Variants in MAP1B observed in about 807,000 individuals in gnomAD.
MAP1B encodes microtubule associated protein 1B, also known as microtubule-associated protein 1B.
A neutral mutation model predicts 176.1 loss-of-function variants in MAP1B; 12 were observed. The observed-to-expected ratio is 0.07, with a 90% CI of 0.04 to 0.11. The LOEUF is 0.11. MAP1B is among the 10% of genes least tolerant of loss of function. MAP1B has a pLI of 1.00. For synonymous variants in MAP1B, 1,044 were observed against 1,135.0 expected, an observed-to-expected ratio of 0.92 and a Z score of 1.61; for missense variants, 2,523 against 2,990.5, an observed-to-expected ratio of 0.84 and a Z score of 3.65.
chr5:72,163,934 T>TTTTTTTTTTTTTTTTTTTTTTTC (rs1746377304), intron 2 of MAP1B, among the ~76,000 whole-genome samples: 1 of 126,116 alleles, frequency 7.9e-6, no homozygotes, highest in African/African-American at 3.2e-5. Flanking sequence ...TTTTTTCTTT[T>TTTTTTTTTTTTTTTTTTTTTTTC]TTTTTTTTTT....
intron 2 of MAP1B, among the ~76,000 whole-genome samples, chr5:72,150,461 A>G (rs1746120774): frequency 6.6e-6 from 1 of 152,232 alleles, no homozygotes; most frequent in South Asian, 2.1e-4. Flanking sequence ...AGAGGGCTGC[A>G]TATAGGACAG....
chr5:72,122,291 A>G (rs1289649639), intron 2 of MAP1B, among the ~76,000 whole-genome samples: 1 of 152,020 alleles, frequency 6.6e-6, no homozygotes, highest in East Asian at 1.9e-4. Context: ...CTCTCACCCC[A>G]GTGCTCCCAT....
At chr5:72,179,701 G>A in intron 2 of MAP1B, 2 of 985,476 alleles carry the variant, frequency 2.0e-6, no homozygotes, top group Non-Finnish European at 2.4e-6. Flanking sequence ...GCCGTGACAA[G>A]AGCTGGAAGC....
At position 72,209,509 on chromosome 5, in the gene MAP1B, T is replaced by G. The variant is rs1285970168; in HGVS notation, c.*4270T>G. The G allele has an allele frequency of 1.3e-5, 2 of 152,104 alleles. No homozygotes were observed. The highest frequency in any genetic ancestry group is 4.8e-5 in the African/African-American group (2 of 41,416). The allele number at this position is 152,104 out of a possible 1,614,324, so 9.4% of individuals were successfully genotyped here. A position where few individuals can be genotyped will look rare whatever the true frequency, so the allele number is the denominator to read the frequency against. On this transcript the variant is annotated 3_prime_UTR_variant, in exon 7 of 7. Coordinates refer to ENST00000296755, the MANE Select transcript of MAP1B (RefSeq NM_005909.5). ...ATATCCCCTCTTCCATTGAGGATAT[T>G]TGATGTAAAGGAAAAAAAAAAACTC... is the stretch of plus-strand genomic sequence containing the variant.
chr5:72,189,848 A>G (rs932831688), intron 4 of MAP1B, among the ~76,000 whole-genome samples: 21 of 152,306 alleles, frequency 1.4e-4, no homozygotes, highest in Admixed American at 3.3e-4. Context: ...AGCTCAGGGA[A>G]CTCAGAGTCG....
At chr5:72,125,450 A>G (rs1028546393) in intron 2 of MAP1B, among the ~76,000 whole-genome samples, 2 of 152,168 alleles carry the variant, frequency 1.3e-5, no homozygotes, top group Non-Finnish European at 2.9e-5. Context: ...TTAGTGTCCT[A>G]TTATCAGCCA....
chr5:72,168,428 G>T (rs1746471885), intron 2 of MAP1B, among the ~76,000 whole-genome samples: 2 of 152,192 alleles, frequency 1.3e-5, no homozygotes, highest in Non-Finnish European at 2.9e-5. Flanking sequence ...AAAGAGCAAA[G>T]AGTAATACAT....
Position 72,107,543 on chromosome 5 carries a change from G to A in MAP1B, c.12G>A (p.Val4=), listed in dbSNP as rs754257888. The A allele has an allele frequency of 6.4e-7, 1 of 1,570,868 alleles. No homozygotes were observed. Among genetic ancestry groups the A allele is most frequent in the East Asian group, 2.3e-5 (1 of 43,030 alleles). The part of the protein sequence containing the change: MAT[V]VVEATEPEPS... Reference sequence around the variant, plus strand: ...CAGCAGCCGGCAGGATGGCGACCGTGGTGGTGGAAGCCACCGAGCCGGAGC... The same window carrying A: ...CAGCAGCCGGCAGGATGGCGACCGTAGTGGTGGAAGCCACCGAGCCGGAGC... The change falls in exon 1 of 7, where the codon GTG becomes GTA. Residue 4 remains valine (V), a synonymous_variant. Coordinates refer to ENST00000296755, the MANE Select transcript of MAP1B (RefSeq NM_005909.5).
chr5:72,189,898 G>A (rs952779794), intron 4 of MAP1B, among the ~76,000 whole-genome samples: 1 of 152,096 alleles, frequency 6.6e-6, no homozygotes, highest in Non-Finnish European at 1.5e-5. Context: ...GCATATTAGA[G>A]GTATTTGAAG....
At chr5:72,184,996 A>G (rs1746861574) in intron 3 of MAP1B, among the ~76,000 whole-genome samples, 1 of 152,226 alleles carries the variant, frequency 6.6e-6, no homozygotes, top group Non-Finnish European at 1.5e-5. Flanking sequence ...GATGCCGACA[A>G]CTGCGAACCT....
chr5:72,107,836 C>G (rs894359640), intron 1 of MAP1B, 121 bp downstream of exon 1: 3 of 987,180 alleles, frequency 3.0e-6, no homozygotes, highest in Non-Finnish European at 4.6e-6. Flanking sequence ...TCCTCGTCAC[C>G]TCTCATACTT....
In MAP1B at chr5:72,206,622, A is replaced by G. The variant is rs948656350; in HGVS notation, c.*1383A>G. 1.3e-5 allele frequency: 2 copies of G among 152,386 alleles called. No individual in the cohort carries two copies. The highest frequency in any genetic ancestry group is 3.2e-3 in the Middle Eastern group (1 of 316). 9.4% of individuals were successfully genotyped at this position (152,386 alleles called of 1,614,324 possible). The stretch of plus-strand genomic sequence containing the variant: ...AAGAATTTTTTTTTTAAGATATGTG[A>G]GAACTTTTCATAGATGAACTTTTTA... On this transcript the variant is annotated 3_prime_UTR_variant, in exon 7 of 7. Transcript: ENST00000296755.
intron 2 of MAP1B, among the ~76,000 whole-genome samples, chr5:72,148,082 T>A (rs1318677421): frequency 6.6e-6 from 1 of 152,144 alleles, no homozygotes; most frequent in Non-Finnish European, 1.5e-5. Context: ...TTATCTACAT[T>A]GATTAAGTAT....
At position 72,199,493 on chromosome 5, in the gene MAP1B, G is replaced by A. The variant is rs115914542; in HGVS notation, c.6138G>A (p.Glu2046=). 1.8e-4 allele frequency: 284 copies of A among 1,614,140 alleles called. No homozygotes were observed. In the African/African-American group the frequency reaches 3.4e-3, roughly 19 times the overall value. ...DTSTYCYETA[E]KITRTPQAST... is the part of the protein sequence containing the mutation. ...CCACATACTGTTACGAGACTGCAGA[G>A]AAAATCACTAGAACCCCTCAGGCAT... Residue 2046 remains glutamate (E), a synonymous_variant, in exon 5 of 7, where the codon GAG becomes GAA. Coordinates refer to ENST00000296755, the MANE Select transcript of MAP1B (RefSeq NM_005909.5). The surrounding 1 kb of genome is among the most constrained non-coding windows in gnomAD (Gnocchi z 4.2).
At chr5:72,202,073 A>G (rs988151033) in intron 5 of MAP1B, among the ~76,000 whole-genome samples, 1 of 152,262 alleles carries the variant, frequency 6.6e-6, no homozygotes, top group Non-Finnish European at 1.5e-5. Context: ...AGGCAAAGTA[A>G]TAAGTGAAAA....
chr5:72,121,767 T>C (rs1051825685), intron 2 of MAP1B, among the ~76,000 whole-genome samples: 6 of 152,250 alleles, frequency 3.9e-5, no homozygotes, highest in Non-Finnish European at 1.5e-5. Flanking sequence ...TGTAGAATTA[T>C]AGCTTAATTG....
intron 2 of MAP1B, among the ~76,000 whole-genome samples, chr5:72,168,000 A>G (rs941200358): frequency 1.3e-5 from 2 of 152,276 alleles, no homozygotes; most frequent in Admixed American, 6.5e-5. Flanking sequence ...CTGGAGGGAT[A>G]GCTGACGCAC....
chr5:72,153,071 G>A (rs566246343), intron 2 of MAP1B, among the ~76,000 whole-genome samples: 16 of 152,192 alleles, frequency 1.1e-4, no homozygotes, highest in Non-Finnish European at 1.9e-4. Context: ...AATGTCTGGC[G>A]TCAGGTTCTA....
rs1323470409 is a variant in MAP1B, at chr5:72,198,899, T to G, written c.5544T>G (p.Asn1848Lys). Residue 1848 changes from asparagine (N) to lysine (K), a missense_variant, in exon 5 of 7, where the codon AAT becomes AAG. Physicochemically the swap from Asn to Lys is moderately conservative, Grantham distance 94 (BLOSUM62 0). Around this residue, in one of 4 missense-constraint regions of MAP1B, gnomAD observed 1,925 missense variants for 2,126.0 expected, o/e 0.91. Transcript: ENST00000296755. ...CAATGCAACACCATCTAGCCTTGAA[T>G]AGAGATTTGTCCACACCTGGCCTGG... Reference protein sequence around the residue: ...FDTMQHHLALNRDLSTPGLEK... With the variant: ...FDTMQHHLALKRDLSTPGLEK... 6.2e-7 allele frequency: 1 copy of G among 1,614,054 alleles called. No homozygotes were observed. Among genetic ancestry groups the G allele is most frequent in the African/African-American group, 1.3e-5 (1 of 74,930 alleles).
Sources: allele counts gnomAD v4.1 joint callset (sites outside exome capture counted in the v4.1 genomes callset), GRCh38; gene constraint gnomAD v4.1.1; regional missense constraint gnomAD v4.1.1; non-coding constraint Gnocchi (gnomAD v3.1); transcripts MANE v1.5; gene names NCBI Gene and HGNC (gene_info 2026-07-23, HGNC 2026-07-21).